FGF12: variants seen among roughly 807,000 people sequenced by gnomAD.
FGF12 encodes fibroblast growth factor 12B.
In FGF12, 14 loss-of-function variants were observed where a neutral mutation model predicts 23.6. That is an observed-to-expected ratio of 0.59 (90% CI 0.39 to 0.93). The LOEUF is 0.93. Ranked by LOEUF, FGF12 falls within the 40% of genes least tolerant of loss-of-function variation. The probability of loss-of-function intolerance (pLI) is 0.00; values close to 1 mark genes in which losing one functional copy is unlikely to be tolerated. For missense variants in FGF12, 175 were observed against 217.8 expected (o/e 0.80, Z 1.24); for synonymous variants, 62 against 77.3 (o/e 0.80, Z 1.04).
chr3:192,685,314 G>C (rs1310429254), intron 2 of FGF12, among the ~76,000 whole-genome samples: 6 of 152,164 alleles, frequency 3.9e-5, no homozygotes, highest in Admixed American at 1.3e-4. Flanking sequence ...GCCTCCCAAA[G>C]TGCTGGGATT....
intron 4 of FGF12, among the ~76,000 whole-genome samples, chr3:192,321,710 C>A (rs1444862065): frequency 6.6e-6 from 1 of 151,988 alleles, no homozygotes. Context: ...GAATGAAGAA[C>A]AGAAATCATA....
intron 2 of FGF12, among the ~76,000 whole-genome samples, chr3:192,589,576 C>T (rs1018502758): frequency 2.6e-5 from 4 of 151,812 alleles, no homozygotes; most frequent in Admixed American, 1.3e-4. Flanking sequence ...TAAATCTCAT[C>T]AGCAAGTCCA....
chr3:192,376,273 T>G (rs1286875575), intron 2 of FGF12, among the ~76,000 whole-genome samples: 2 of 151,812 alleles, frequency 1.3e-5, no homozygotes, highest in Non-Finnish European at 2.9e-5. Flanking sequence ...TATTTAGAGC[T>G]TATTTTTGAA....
intron 2 of FGF12, among the ~76,000 whole-genome samples, chr3:192,475,940 T>C (rs1348000771): frequency 6.6e-6 from 1 of 151,604 alleles, no homozygotes; most frequent in Non-Finnish European, 1.5e-5. Flanking sequence ...AGATAGATGA[T>C]AGATAGATAG....
intron 4 of FGF12, among the ~76,000 whole-genome samples, chr3:192,181,629 GTTTTTTT>G (rs72218051): frequency 7.8e-6 from 1 of 127,416 alleles, no homozygotes; most frequent in African/African-American, 2.8e-5. Context: ...GAAGTAATTT[GTTTTTTT>G]TTTTTTTTTT....
intron 2 of FGF12, among the ~76,000 whole-genome samples, chr3:192,606,709 T>G (rs1292889973): frequency 6.6e-6 from 1 of 151,984 alleles, no homozygotes; most frequent in African/African-American, 2.4e-5. Flanking sequence ...GCTTAAGGGG[T>G]TAAGTAAGCT....
At chr3:192,185,944 T>C (rs981623232) in intron 4 of FGF12, among the ~76,000 whole-genome samples, 1 of 151,606 alleles carries the variant, frequency 6.6e-6, no homozygotes. Context: ...TATTCACTCA[T>C]TGGTGAAAGA....
At chr3:192,315,937 T>C (rs924024293) in intron 4 of FGF12, among the ~76,000 whole-genome samples, 1 of 152,216 alleles carries the variant, frequency 6.6e-6, no homozygotes, top group Non-Finnish European at 1.5e-5. Context: ...TAGCAGTTCA[T>C]AAAAATGTAA....
chr3:192,350,704 G>A (rs940541932), intron 3 of FGF12, among the ~76,000 whole-genome samples: 1 of 152,102 alleles, frequency 6.6e-6, no homozygotes, highest in African/African-American at 2.4e-5. Context: ...GAAAGAAAGA[G>A]GAGAGATAAT....
At chr3:192,378,758 AT>A (rs572080670) in intron 2 of FGF12, among the ~76,000 whole-genome samples, 37 of 151,910 alleles carry the variant, frequency 2.4e-4, no homozygotes, top group Admixed American at 2.1e-3. Flanking sequence ...CTATATCTAT[AT>A]TTTAACTTTT....
At chr3:192,225,378 A>T (rs1718680950) in intron 4 of FGF12, among the ~76,000 whole-genome samples, 1 of 151,688 alleles carries the variant, frequency 6.6e-6, no homozygotes, top group Non-Finnish European at 1.5e-5. Flanking sequence ...TTCCATCTCC[A>T]TTCTCTCCCT....
chr3:192,353,673 G>T (rs1201967220), intron 3 of FGF12, among the ~76,000 whole-genome samples: 4 of 152,116 alleles, frequency 2.6e-5, no homozygotes, highest in African/African-American at 7.2e-5. Flanking sequence ...CCGGCTGGGA[G>T]CAGAAGTCTT....
intron 5 of FGF12, among the ~76,000 whole-genome samples, chr3:192,167,746 TATATATATATATATATATATATAAA>T (rs1334157651): frequency 8.1e-5 from 2 of 24,612 alleles, no homozygotes; most frequent in African/African-American, 4.0e-4. Context: ...TATATATATA[TATATATATATATATATATATATAAA>T]ATTTTTTTTT....
chr3:192,291,195 A>G (rs1714738933), intron 4 of FGF12, among the ~76,000 whole-genome samples: 1 of 152,312 alleles, frequency 6.6e-6, no homozygotes, highest in East Asian at 1.9e-4. Context: ...CATCTGATAT[A>G]TGTGTATATA....
At chr3:192,585,958 G>A (rs1713357238) in intron 2 of FGF12, among the ~76,000 whole-genome samples, 1 of 152,014 alleles carries the variant, frequency 6.6e-6, no homozygotes, top group Non-Finnish European at 1.5e-5. Context: ...AATATATGAA[G>A]AGAAAATATT....
intron 5 of FGF12, among the ~76,000 whole-genome samples, chr3:192,157,799 A>G (rs1424660403): frequency 6.6e-6 from 1 of 152,238 alleles, no homozygotes; most frequent in Non-Finnish European, 1.5e-5. Context: ...GTACCATCCT[A>G]TGAGTACTCT....
intron 2 of FGF12, among the ~76,000 whole-genome samples, chr3:192,377,232 G>T (rs890312286): frequency 6.6e-6 from 1 of 152,162 alleles, no homozygotes; most frequent in Non-Finnish European, 1.5e-5. Flanking sequence ...GCCCCTGCCT[G>T]CCTCACACGG....
intron 2 of FGF12, among the ~76,000 whole-genome samples, chr3:192,603,120 G>T (rs1176377008): frequency 6.6e-6 from 1 of 152,070 alleles, no homozygotes; most frequent in Non-Finnish European, 1.5e-5. Context: ...CTTGAAAACT[G>T]GAACAAGACA....
chr3:192,181,901 T>A lies in FGF12; in HGVS notation c.229-11245A>T, dbSNP rs117946439. On this transcript the variant is annotated intron_variant, in intron 4 of 5. Coordinates refer to ENST00000445105, the MANE Select transcript of FGF12 (RefSeq NM_004113.6). ...CTGGGATTACAGACATGGGCCACCATGCTCAGCCAACAGATAAGAACTTTA... is the reference window on the plus strand; with the variant it reads ...CTGGGATTACAGACATGGGCCACCAAGCTCAGCCAACAGATAAGAACTTTA... Among the ~76,000 whole-genome samples, 504 of 152,150 alleles carry A rather than the reference T, an allele frequency of 3.3e-3. 8 individuals are homozygous for A. The highest frequency in any genetic ancestry group is 0.031 in the East Asian group (162 of 5,174).
Sources: gnomAD v4.1 joint callset for allele counts (sites outside exome capture counted in the v4.1 genomes callset) on GRCh38, gnomAD v4.1.1 for gene constraint, MANE v1.5 for transcripts, NCBI Gene and HGNC (gene_info 2026-07-23, HGNC 2026-07-21) for gene names.